Variants in KCNQ5 observed in about 807,000 individuals in gnomAD.
KCNQ5 encodes potassium voltage-gated channel subfamily Q member 5, also known as potassium voltage-gated channel subfamily KQT member 5.
A neutral mutation model predicts 98.2 loss-of-function variants in KCNQ5; 30 were observed. The ratio of observed to expected loss-of-function variants is 0.31; its 90% CI spans 0.23 to 0.41. The LOEUF is 0.41. Among genes scored for constraint, KCNQ5 ranks in the 10% least tolerant of loss-of-function variants. The pLI is 1.00. For missense variants in KCNQ5, 835 were observed against 1,182.5 expected (o/e 0.71, Z 4.31); for synonymous variants, 458 against 449.4 (o/e 1.02, Z -0.24).
At chr6:72,884,479 A>T (rs942488139) in intron 1 of KCNQ5, among the ~76,000 whole-genome samples, 3 of 152,202 alleles carry the variant, frequency 2.0e-5, no homozygotes, top group African/African-American at 7.2e-5. Context: ...CATCAGAAAG[A>T]GTATTGTGTA....
chr6:72,704,496 A>T (rs187360460), intron 1 of KCNQ5, among the ~76,000 whole-genome samples: 4 of 152,256 alleles, frequency 2.6e-5, no homozygotes, highest in Non-Finnish European at 5.9e-5. Context: ...CAACTGCAGT[A>T]ATGGCTGTCT....
intron 1 of KCNQ5, among the ~76,000 whole-genome samples, chr6:72,943,323 C>A (rs912401072): frequency 1.3e-5 from 2 of 152,144 alleles, no homozygotes; most frequent in African/African-American, 4.8e-5. Flanking sequence ...TTGCTAGTGT[C>A]AAATGAATGC....
At chr6:72,644,075 T>G (rs58092092) in intron 1 of KCNQ5, among the ~76,000 whole-genome samples, 2 of 152,172 alleles carry the variant, frequency 1.3e-5, no homozygotes, top group Non-Finnish European at 2.9e-5. Flanking sequence ...GTATACACTT[T>G]GTAAATTAAA....
intron 1 of KCNQ5, among the ~76,000 whole-genome samples, chr6:72,836,112 G>T (rs989247503): frequency 6.6e-6 from 1 of 152,098 alleles, no homozygotes; most frequent in Admixed American, 6.6e-5. Context: ...TGTTATTTTT[G>T]CAGTTTGTTT....
At chr6:72,785,966 C>T (rs1410706731) in intron 1 of KCNQ5, among the ~76,000 whole-genome samples, 1 of 152,098 alleles carries the variant, frequency 6.6e-6, no homozygotes, top group Non-Finnish European at 1.5e-5. Context: ...ACCCAAGAGA[C>T]ATATAATAGG....
At position 72,721,712 on chromosome 6, in the gene KCNQ5, T is replaced by C. The variant is rs113139038; in HGVS notation, c.398+99125T>C. Among the ~76,000 whole-genome samples, 325 of 152,340 alleles carry C rather than the reference T, an allele frequency of 2.1e-3. 1 individual carries two copies. The highest frequency in any genetic ancestry group is 7.6e-3 in the African/African-American group (314 of 41,572). On this transcript the variant is annotated intron_variant, in intron 1 of 13. Transcript: ENST00000370398. ...AATTTTTGAGAACCACTGTTATAGA[T>C]GAATTGCCAGTGAAACTCCAGATTA... is the stretch of plus-strand genomic sequence containing the variant.
chr6:72,736,102 C>CACAA (rs985493101), intron 1 of KCNQ5, among the ~76,000 whole-genome samples: 1 of 151,788 alleles, frequency 6.6e-6, no homozygotes, highest in African/African-American at 2.4e-5. Context: ...CACACACACA[C>CACAA]ACACACACGG....
chr6:73,055,210 A>C (rs1341577385), intron 3 of KCNQ5: 4 of 1,099,908 alleles, frequency 3.6e-6, no homozygotes, highest in South Asian at 1.2e-5. Context: ...ATGAGGCGGC[A>C]AAGCAGGCAC....
chr6:73,108,027 G>A (rs1465493885), intron 6 of KCNQ5, among the ~76,000 whole-genome samples: 1 of 152,224 alleles, frequency 6.6e-6, no homozygotes, highest in Non-Finnish European at 1.5e-5. Flanking sequence ...TGCTGAGAAA[G>A]CTAGAGGTGG....
intron 1 of KCNQ5, chr6:72,987,504 C>G: frequency 1.5e-6 from 1 of 661,844 alleles, no homozygotes; most frequent in Non-Finnish European, 2.9e-6. Context: ...CTTCAAAAAC[C>G]TGTCCCCTTC....
intron 1 of KCNQ5, among the ~76,000 whole-genome samples, chr6:72,893,479 T>C (rs1483701699): frequency 6.6e-6 from 1 of 151,926 alleles, no homozygotes; most frequent in Non-Finnish European, 1.5e-5. Context: ...TGAGAGAAAA[T>C]TTTGACACAC....
intron 1 of KCNQ5, among the ~76,000 whole-genome samples, chr6:72,807,266 A>G (rs1247284750): frequency 6.6e-6 from 1 of 152,188 alleles, no homozygotes; most frequent in Non-Finnish European, 1.5e-5. Flanking sequence ...TAAATACTCA[A>G]TAAATTTTTA....
intron 6 of KCNQ5, among the ~76,000 whole-genome samples, chr6:73,110,687 T>G (rs547038593): frequency 6.6e-6 from 1 of 152,224 alleles, no homozygotes; most frequent in African/African-American, 2.4e-5. Flanking sequence ...AAACTGAGTA[T>G]CCCTGCTCTC....
intron 1 of KCNQ5, among the ~76,000 whole-genome samples, chr6:72,699,013 C>T (rs563311066): frequency 2.6e-4 from 39 of 152,142 alleles, no homozygotes; most frequent in East Asian, 2.5e-3. Context: ...TAGAGTTAAC[C>T]GTAACACAGT....
At chr6:72,931,338 T>C (rs1303352704) in intron 1 of KCNQ5, among the ~76,000 whole-genome samples, 1 of 152,232 alleles carries the variant, frequency 6.6e-6, no homozygotes, top group African/African-American at 2.4e-5. Flanking sequence ...TATGAAAACT[T>C]ATATTTTTCT....
chr6:73,086,256 A>T (rs1231849848), intron 5 of KCNQ5, among the ~76,000 whole-genome samples: 1 of 151,540 alleles, frequency 6.6e-6, no homozygotes, highest in East Asian at 1.9e-4. Context: ...CAAGCCTCTG[A>T]CTCCCCACAC....
intron 7 of KCNQ5, among the ~76,000 whole-genome samples, chr6:73,114,040 TA>T (rs980210629): frequency 5.9e-5 from 9 of 152,330 alleles, no homozygotes; most frequent in Non-Finnish European, 1.0e-4. Flanking sequence ...TAGAATCTAC[TA>T]ATTTTAAAAG....
At chr6:73,057,170 C>T (rs1772547820) in intron 3 of KCNQ5, among the ~76,000 whole-genome samples, 1 of 152,064 alleles carries the variant, frequency 6.6e-6, no homozygotes, top group East Asian at 1.9e-4. Flanking sequence ...GAGTTCATGT[C>T]CTTTGCAGGG....
chr6:72,931,119 C>A (rs1313361335), intron 1 of KCNQ5, among the ~76,000 whole-genome samples: 2 of 152,026 alleles, frequency 1.3e-5, no homozygotes, highest in East Asian at 3.9e-4. Context: ...CTCTGTCATG[C>A]CTGATGTCTT....
Sources: allele counts gnomAD v4.1 joint callset (sites outside exome capture counted in the v4.1 genomes callset), GRCh38; gene constraint gnomAD v4.1.1; transcripts MANE v1.5; gene names NCBI Gene and HGNC (gene_info 2026-07-23, HGNC 2026-07-21).